THRB: variants seen among roughly 807,000 people sequenced by gnomAD.
THRB encodes the protein nuclear receptor subfamily 1 group A member 2.
In THRB, 12 loss-of-function variants were observed where a neutral mutation model predicts 47.8. That is an observed-to-expected ratio of 0.25 (90% confidence interval 0.16 to 0.41). THRB has a LOEUF of 0.41. THRB is among the 10% of genes least tolerant of loss of function. The pLI is 1.00. For missense variants in THRB, 348 were observed against 589.2 expected (o/e 0.59, Z 4.24); for synonymous variants, 218 against 212.2 (o/e 1.03, Z -0.24).
intron 1 of THRB, among the ~76,000 whole-genome samples, chr3:24,382,654 T>C (rs936877720): frequency 2.0e-5 from 3 of 152,084 alleles, no homozygotes; most frequent in African/African-American, 7.2e-5. Flanking sequence ...TCCACATAGA[T>C]TAAGAAACAG....
intron 3 of THRB, among the ~76,000 whole-genome samples, chr3:24,250,065 C>T (rs2050509569): frequency 6.6e-6 from 1 of 152,126 alleles, no homozygotes; most frequent in African/African-American, 2.4e-5. Flanking sequence ...AGAAATAAGA[C>T]ATGACTGTTG....
At chr3:24,297,089 G>C (rs1236424205) in intron 3 of THRB, 137 bp downstream of exon 3, 1 of 152,226 alleles carries the variant, frequency 6.6e-6, no homozygotes, top group African/African-American at 2.4e-5. Context: ...CTGAATGCCA[G>C]GTAGTATCCA....
intron 3 of THRB, among the ~76,000 whole-genome samples, chr3:24,238,730 T>C (rs1168827630): frequency 6.6e-6 from 1 of 152,098 alleles, no homozygotes; most frequent in Non-Finnish European, 1.5e-5. Context: ...TTTTTAACCC[T>C]GGGATAAAAA....
chr3:24,304,299 C>T (rs1168852861), intron 2 of THRB, among the ~76,000 whole-genome samples: 2 of 151,998 alleles, frequency 1.3e-5, no homozygotes, highest in African/African-American at 4.8e-5. Context: ...TTAAAATGAA[C>T]ACCTTTTTTT....
At chr3:24,144,183 A>G (rs1460226251) in intron 7 of THRB, 1 of 184,482 alleles carries the variant, frequency 5.4e-6, no homozygotes, top group South Asian at 1.2e-4. Context: ...GTTATGGAGC[A>G]GTAAGTGGGA....
intron 1 of THRB, among the ~76,000 whole-genome samples, chr3:24,413,567 C>A (rs1208553975): frequency 6.6e-6 from 1 of 151,112 alleles, no homozygotes; most frequent in African/African-American, 2.4e-5. Context: ...TCTTTTTCAT[C>A]TCTGATTTTT....
At chr3:24,478,355 T>C (rs1201018192) in intron 1 of THRB, among the ~76,000 whole-genome samples, 1 of 152,220 alleles carries the variant, frequency 6.6e-6, no homozygotes, top group African/African-American at 2.4e-5. Flanking sequence ...TGGCACATAT[T>C]TGGTGCTGAA....
At chr3:24,331,000 A>G (rs2061888918) in intron 2 of THRB, among the ~76,000 whole-genome samples, 1 of 152,174 alleles carries the variant, frequency 6.6e-6, no homozygotes, top group African/African-American at 2.4e-5. Flanking sequence ...CTGCCAGTGT[A>G]TCGTGCACCA....
Position 24,135,847 on chromosome 3 carries a change from A to ATATATATATATATATATATT in THRB, c.739-2386_739-2385insAATATATATATATATATATA, listed in dbSNP as rs371175625. On this transcript the variant is annotated intron_variant, in intron 8 of 10. Coordinates refer to ENST00000646209, the MANE Select transcript of THRB (RefSeq NM_001354712.2). ...TATATATATATATATATATATATAT[A>ATATATATATATATATATATT]ATACATAAATATATATTAATTACAT... 2.0e-3 allele frequency among the ~76,000 whole-genome samples: 260 copies of ATATATATATATATATATATT among 130,896 alleles called. 4 individuals are homozygous for ATATATATATATATATATATT. Among genetic ancestry groups the ATATATATATATATATATATT allele is most frequent in the South Asian group, 0.015 (64 of 4,212 alleles). 85.9% of individuals were successfully genotyped at this position (130,896 alleles called of 152,430 possible). A position where few individuals can be genotyped will look rare whatever the true frequency, so the allele number is the denominator to read the frequency against.
At chr3:24,421,328 C>A (rs2069239625) in intron 1 of THRB, among the ~76,000 whole-genome samples, 1 of 150,602 alleles carries the variant, frequency 6.6e-6, no homozygotes, top group Admixed American at 6.6e-5. Context: ...TAAACCTGCA[C>A]ATGTACCCCT....
In THRB at chr3:24,196,594, A is replaced by G. The variant is rs577519524; in HGVS notation, c.23-6260T>C. On this transcript the variant is annotated intron_variant, in intron 4 of 10. Coordinates refer to ENST00000646209, the MANE Select transcript of THRB (RefSeq NM_001354712.2). Reference sequence around the variant, plus strand: ...ATGATTTTTAAAGAGCATTCCCCCCACCCCAAAAAAAAGAATTTCATAAAT... The same window carrying G: ...ATGATTTTTAAAGAGCATTCCCCCCGCCCCAAAAAAAAGAATTTCATAAAT... Among the ~76,000 whole-genome samples, 3 of 151,778 alleles carry G rather than the reference A, an allele frequency of 2.0e-5. No homozygotes were observed. In the East Asian group the frequency reaches 5.8e-4, roughly 29 times the overall value.
intron 3 of THRB, among the ~76,000 whole-genome samples, chr3:24,260,020 A>T (rs1304259277): frequency 6.6e-6 from 1 of 152,152 alleles, no homozygotes; most frequent in African/African-American, 2.4e-5. Context: ...CATCATCTTA[A>T]AAAGAAACCC....
chr3:24,421,157 T>A (rs2069223563), intron 1 of THRB, among the ~76,000 whole-genome samples: 1 of 151,838 alleles, frequency 6.6e-6, no homozygotes, highest in African/African-American at 2.4e-5. Flanking sequence ...TGAGAGCATG[T>A]GGACACATAG....
At chr3:24,430,672 A>G (rs2070297659) in intron 1 of THRB, 1 of 152,118 alleles carries the variant, frequency 6.6e-6, no homozygotes, top group South Asian at 2.1e-4. Flanking sequence ...GAATTTCTTA[A>G]GAAAAGTTGA....
At chr3:24,314,229 T>C (rs1243791319) in intron 2 of THRB, among the ~76,000 whole-genome samples, 1 of 152,210 alleles carries the variant, frequency 6.6e-6, no homozygotes, top group African/African-American at 2.4e-5. Flanking sequence ...CAAATCCAGG[T>C]CCTGGTGAAT....
intron 5 of THRB, among the ~76,000 whole-genome samples, chr3:24,181,311 T>C (rs1296328499): frequency 6.6e-6 from 1 of 152,040 alleles, no homozygotes; most frequent in Non-Finnish European, 1.5e-5. Flanking sequence ...TTGATTTCTT[T>C]GTGGTCAGTT....
chr3:24,493,697 T>C (rs1298927261), intron 1 of THRB, among the ~76,000 whole-genome samples: 4 of 152,228 alleles, frequency 2.6e-5, no homozygotes, highest in African/African-American at 9.6e-5. Context: ...TTATGAATTG[T>C]TATGTTTCTA....
chr3:24,189,301 C>T (rs13085543), intron 5 of THRB, among the ~76,000 whole-genome samples: 1 of 151,840 alleles, frequency 6.6e-6, no homozygotes, highest in South Asian at 2.1e-4. Context: ...AGAAAAACCA[C>T]TAAACTGAAA....
chr3:24,183,390 A>T (rs1382460586), intron 5 of THRB, among the ~76,000 whole-genome samples: 3 of 130,380 alleles, frequency 2.3e-5, no homozygotes, highest in Non-Finnish European at 3.1e-5. Context: ...TTTTTGAGAC[A>T]GAGTCTCACT....
Sources: gnomAD v4.1 joint callset for allele counts (sites outside exome capture counted in the v4.1 genomes callset) on GRCh38, gnomAD v4.1.1 for gene constraint, MANE v1.5 for transcripts, NCBI Gene and HGNC (gene_info 2026-07-23, HGNC 2026-07-21) for gene names.